Variants in PINX1 observed in about 807,000 individuals in gnomAD.
The protein encoded by PINX1 is PIN2 (TERF1) interacting telomerase inhibitor 1.
PINX1 carries 34 observed loss-of-function variants against 25.4 expected under a neutral mutation model. The ratio of observed to expected loss-of-function variants is 1.34; its 90% confidence interval spans 1.02 to 1.78. The LOEUF (loss-of-function observed/expected upper bound fraction) is 1.78, where lower values mean the gene tolerates loss of function less well. PINX1 is among the 40% of genes most tolerant of loss of function. PINX1 has a pLI of 0.00. For synonymous variants in PINX1, 197 were observed against 147.7 expected (o/e 1.33, Z -2.42); for missense variants, 592 against 404.9 (o/e 1.46, Z -3.97).
intron 1 of PINX1, 80 bp from the exon 2 acceptor site, chr8:10,834,855 T>C (rs991409563): frequency 1.2e-6 from 1 of 853,264 alleles, no homozygotes; most frequent in African/African-American, 1.8e-5. Context: ...TGCACAACTT[T>C]GTGTATTTTA....
intron 6 of PINX1, among the ~76,000 whole-genome samples, chr8:10,812,719 C>T (rs1797567041): frequency 6.6e-6 from 1 of 152,232 alleles, no homozygotes; most frequent in Non-Finnish European, 1.5e-5. Context: ...CCATGACACC[C>T]AGGCCCGCAC....
chr8:10,766,497 C>A (rs1402028752), intron 6 of PINX1, among the ~76,000 whole-genome samples: 1 of 152,216 alleles, frequency 6.6e-6, no homozygotes, highest in East Asian at 1.9e-4. Flanking sequence ...AGCGTGGCCG[C>A]TCTGGCAGCT....
intron 5 of PINX1, among the ~76,000 whole-genome samples, chr8:10,822,641 A>G (rs1167248956): frequency 6.6e-6 from 1 of 152,240 alleles, no homozygotes; most frequent in Admixed American, 6.5e-5. Context: ...TTACTGCTAT[A>G]GTCAGACACA....
Position 10,765,751 on chromosome 8 carries a change from T to TC in PINX1, c.636dup (p.Lys213GlufsTer5). On this transcript the variant is annotated frameshift_variant, in exon 7 of 7. Coordinates refer to ENST00000314787, the MANE Select transcript of PINX1 (RefSeq NM_017884.6). LOFTEE classifies it low-confidence loss of function (END_TRUNC). ...CCTGTGGCCTCTTTATTTCTTTTCT[T>TC]CCCCCTTTTACGTTCCACCTGCGTC... The TC allele has an allele frequency of 6.2e-7, 1 of 1,613,908 alleles. No homozygotes were observed.
At chr8:10,809,970 T>C (rs1253027341) in intron 6 of PINX1, among the ~76,000 whole-genome samples, 1 of 152,180 alleles carries the variant, frequency 6.6e-6, no homozygotes, top group Non-Finnish European at 1.5e-5. Flanking sequence ...GGTGAGGCCT[T>C]GGGAAGCTTC....
At position 10,839,598 on chromosome 8, in the gene PINX1, C is replaced by A. The variant is rs72549109; in HGVS notation, c.19+140G>T. 88 of 825,358 alleles carry A rather than the reference C, an allele frequency of 1.1e-4. No individual in the cohort carries two copies. The African/African-American group carries it at 1.4e-3, about 13-fold the overall frequency. 51.1% of individuals were successfully genotyped at this position (825,358 alleles called of 1,614,324 possible). On this transcript the variant is annotated intron_variant, in intron 1 of 6. Transcript: ENST00000314787. ...CTGCGGCGAGCAGGACAATCAGAGC[C>A]GGGCTCGGCTCCCCGGTCCCCCGAT...
chr8:10,769,573 C>T lies in PINX1; in HGVS notation c.472-3657G>A, dbSNP rs1454654639. ...GGAAGCTTCACCCAAAGTGATCAGG[C>T]CTGGGTGTCCTGAGGAAGGCAGCTA... On this transcript the variant is annotated intron_variant, in intron 6 of 6. Coordinates refer to ENST00000314787, the MANE Select transcript of PINX1 (RefSeq NM_017884.6). Among the ~76,000 whole-genome samples, 6 of 152,338 alleles carry T rather than the reference C, an allele frequency of 3.9e-5. No individual in the cohort carries two copies. In the East Asian group the frequency reaches 5.8e-4, roughly 15 times the overall value.
At chr8:10,768,385 ATT>A (rs982082240) in intron 6 of PINX1, among the ~76,000 whole-genome samples, 1 of 152,212 alleles carries the variant, frequency 6.6e-6, no homozygotes, top group Non-Finnish European at 1.5e-5. Context: ...TATTAATCAC[ATT>A]TTTTATTATC....
At chr8:10,802,176 A>G (rs1004613176) in intron 6 of PINX1, among the ~76,000 whole-genome samples, 4 of 152,210 alleles carry the variant, frequency 2.6e-5, no homozygotes, top group African/African-American at 9.6e-5. Context: ...CTTCCTTGGA[A>G]TAAGTCGAAA....
chr8:10,776,408 G>A (rs1309900971), intron 6 of PINX1, among the ~76,000 whole-genome samples: 1 of 150,568 alleles, frequency 6.6e-6, no homozygotes, highest in South Asian at 2.1e-4. Flanking sequence ...CTGGGTAACA[G>A]AGTGAGACTC....
chr8:10,779,473 G>A (rs1344353514), intron 6 of PINX1, among the ~76,000 whole-genome samples: 2 of 152,164 alleles, frequency 1.3e-5, no homozygotes, highest in Non-Finnish European at 1.5e-5. Flanking sequence ...TAATTTAACT[G>A]TATAGACTGA....
intron 6 of PINX1, among the ~76,000 whole-genome samples, chr8:10,775,036 T>C (rs951871276): frequency 6.6e-6 from 1 of 152,064 alleles, no homozygotes; most frequent in Non-Finnish European, 1.5e-5. Flanking sequence ...ACAAACCAAC[T>C]ACAAAGCCAA....
chr8:10,808,177 A>G (rs1242722374), intron 6 of PINX1, among the ~76,000 whole-genome samples: 2 of 152,270 alleles, frequency 1.3e-5, no homozygotes, highest in African/African-American at 2.4e-5. Flanking sequence ...TAATCATTAT[A>G]CAATACAATC....
intron 5 of PINX1, among the ~76,000 whole-genome samples, chr8:10,822,835 C>A (rs926149827): frequency 6.6e-6 from 1 of 152,068 alleles, no homozygotes; most frequent in Non-Finnish European, 1.5e-5. Context: ...AAGTGAAGGG[C>A]AAGGAATATG....
chr8:10,780,554 C>T (rs1801554261), intron 6 of PINX1, among the ~76,000 whole-genome samples: 1 of 151,696 alleles, frequency 6.6e-6, no homozygotes, highest in Admixed American at 6.6e-5. Context: ...AGGATAAATC[C>T]CAAACAAATG....
At chr8:10,776,912 T>A (rs898276130) in intron 6 of PINX1, among the ~76,000 whole-genome samples, 1 of 152,200 alleles carries the variant, frequency 6.6e-6, no homozygotes, top group Non-Finnish European at 1.5e-5. Flanking sequence ...AAGGAAAATC[T>A]GGGGAGGAAT....
At chr8:10,825,396 G>A (rs558393517) in intron 5 of PINX1, 6 of 534,782 alleles carry the variant, frequency 1.1e-5, no homozygotes, top group African/African-American at 1.9e-5. Context: ...GCATCATCAC[G>A]CTTCTTATGT....
chr8:10,818,681 G>A (rs1797774454), intron 6 of PINX1, among the ~76,000 whole-genome samples: 1 of 152,178 alleles, frequency 6.6e-6, no homozygotes, highest in African/African-American at 2.4e-5. Flanking sequence ...CGGGGCTGGG[G>A]AGATGGGGGT....
chr8:10,785,341 T>C (rs1399891162), intron 6 of PINX1, among the ~76,000 whole-genome samples: 2 of 152,250 alleles, frequency 1.3e-5, no homozygotes. Context: ...CTTATTTTAA[T>C]ACTTTACTTT....
Sources: gnomAD v4.1 joint callset for allele counts (sites outside exome capture counted in the v4.1 genomes callset) on GRCh38, gnomAD v4.1.1 for gene constraint, MANE v1.5 for transcripts, NCBI Gene and HGNC (gene_info 2026-07-23, HGNC 2026-07-21) for gene names.